PIEZO2: variants seen among roughly 807,000 people sequenced by gnomAD.
The protein encoded by PIEZO2 is piezo-type mechanosensitive ion channel component 2.
PIEZO2 carries 172 observed loss-of-function variants against 337.3 expected under a neutral mutation model. The ratio of observed to expected loss-of-function variants is 0.51; its 90% CI spans 0.45 to 0.58. The LOEUF (loss-of-function observed/expected upper bound fraction) is 0.58, where lower values mean the gene tolerates loss of function less well. PIEZO2 is among the 20% of genes least tolerant of loss of function. The pLI, the probability that PIEZO2 is intolerant of heterozygous loss-of-function variation, is 0.00. For missense variants in PIEZO2, 3,028 were observed against 3,391.3 expected (o/e 0.89, Z 2.66); for synonymous variants, 1,251 against 1,228.5 (o/e 1.02, Z -0.38).
At position 10,682,455 on chromosome 18, in the gene PIEZO2, A is replaced by G. The variant is rs949452464; in HGVS notation, c.7498-163T>C. On this transcript the variant is annotated intron_variant, in intron 49 of 55. Transcript: ENST00000674853. The surrounding 1 kb of genome is among the most constrained non-coding windows in gnomAD (Gnocchi z 5.6). ...GAAATGGGGATAGCAACCTTGTCCC[A>G]ATCTCGAAATGAAGTTAGGTAGTGA... Among the ~76,000 whole-genome samples the G allele has an allele frequency of 2.6e-5, 4 of 152,154 alleles. No homozygotes were observed. In the South Asian group the frequency reaches 8.3e-4, roughly 32 times the overall value.
chr18:11,126,019 G>A lies in PIEZO2; in HGVS notation c.64+22506C>T, dbSNP rs2040171730. On this transcript the variant is annotated intron_variant, in intron 1 of 55. Transcript: ENST00000674853. The surrounding 1 kb of genome is among the most constrained non-coding windows in gnomAD (Gnocchi z 4.6). The stretch of plus-strand genomic sequence containing the variant: ...AGAGTGTTGTCAAAGCATGCATAAT[G>A]ACTCCATTTATTTTCCAAAATACGT... 6.6e-6 allele frequency among the ~76,000 whole-genome samples: 1 copy of A among 152,162 alleles called. No individual in the cohort carries two copies. The highest frequency in any genetic ancestry group is 2.4e-5 in the African/African-American group (1 of 41,418).
At chr18:10,827,685 T>C (rs559984113) in intron 7 of PIEZO2, among the ~76,000 whole-genome samples, 28 of 152,306 alleles carry the variant, frequency 1.8e-4, no homozygotes, top group South Asian at 6.2e-4. Context: ...GCATGAACCA[T>C]TGGCATCGTC....
At chr18:10,689,606 G>A (rs1390844037) in intron 49 of PIEZO2, 49 bp downstream of exon 49, 19 of 1,612,416 alleles carry the variant, frequency 1.2e-5, no homozygotes, top group East Asian at 2.2e-5. Context: ...TAACCAGCCT[G>A]TATCTAAGAG....
In PIEZO2 at chr18:11,116,211, T is replaced by C. The variant is rs1225518632; in HGVS notation, c.64+32314A>G. Among the ~76,000 whole-genome samples the C allele has an allele frequency of 6.6e-6, 1 of 152,238 alleles. No individual in the cohort carries two copies. Among genetic ancestry groups the C allele is most frequent in the Non-Finnish European group, 1.5e-5 (1 of 68,040 alleles). ...TGGCCAGTGCTCAGATTATGCCCACTGCCTTCAATATCCAGCTTTACAAAT... is the reference window on the plus strand; with the variant it reads ...TGGCCAGTGCTCAGATTATGCCCACCGCCTTCAATATCCAGCTTTACAAAT... On this transcript the variant is annotated intron_variant, in intron 1 of 55. Transcript: ENST00000674853. The surrounding 1 kb of genome is among the most constrained non-coding windows in gnomAD (Gnocchi z 5.0).
chr18:11,087,997 C>T (rs1337946532), intron 1 of PIEZO2, among the ~76,000 whole-genome samples: 1 of 152,256 alleles, frequency 6.6e-6, no homozygotes, highest in East Asian at 1.9e-4. Flanking sequence ...ATGCCACTCA[C>T]ATATATCCTT....
intron 1 of PIEZO2, among the ~76,000 whole-genome samples, chr18:11,087,253 C>T (rs1442697122): frequency 1.3e-5 from 2 of 152,146 alleles, no homozygotes; most frequent in Admixed American, 6.5e-5. Flanking sequence ...TGTTTATAAG[C>T]TGCTCAGTCT....
intron 23 of PIEZO2, among the ~76,000 whole-genome samples, 192 bp downstream of exon 23, chr18:10,762,308 G>A (rs898395889): frequency 3.9e-5 from 6 of 152,172 alleles, no homozygotes; most frequent in Middle Eastern, 3.2e-3. Flanking sequence ...ATCTCAGACC[G>A]TTTGATCATT....
chr18:11,145,040 G>T (rs562376304), intron 1 of PIEZO2, among the ~76,000 whole-genome samples: 9 of 152,270 alleles, frequency 5.9e-5, no homozygotes, highest in African/African-American at 2.2e-4. Flanking sequence ...CGTAAAATAT[G>T]TGTAAAATGT....
intron 27 of PIEZO2, among the ~76,000 whole-genome samples, chr18:10,755,224 T>A (rs1429334735): frequency 6.6e-6 from 1 of 152,066 alleles, no homozygotes; most frequent in Non-Finnish European, 1.5e-5. Context: ...GATCGGAAGC[T>A]GGAGAGAGAC....
chr18:10,986,881 AT>A (rs2034896398), intron 2 of PIEZO2, among the ~76,000 whole-genome samples: 1 of 152,074 alleles, frequency 6.6e-6, no homozygotes, highest in African/African-American at 2.4e-5. Flanking sequence ...AATTAACGAA[AT>A]CAATGTATAA....
chr18:10,995,182 G>A (rs911017888), intron 2 of PIEZO2, among the ~76,000 whole-genome samples: 12 of 151,746 alleles, frequency 7.9e-5, no homozygotes, highest in African/African-American at 2.7e-4. Context: ...CAGGAGTAAG[G>A]TGGTATCAAA....
intron 7 of PIEZO2, among the ~76,000 whole-genome samples, chr18:10,812,918 A>G (rs989677606): frequency 2.0e-5 from 3 of 152,218 alleles, no homozygotes; most frequent in Admixed American, 6.5e-5. Flanking sequence ...TACTGAAAAT[A>G]GCAGCACACT....
chr18:11,115,565 T>C (rs1315231505), intron 1 of PIEZO2, among the ~76,000 whole-genome samples: 1 of 152,196 alleles, frequency 6.6e-6, no homozygotes, highest in Non-Finnish European at 1.5e-5. Context: ...ACAAATATTA[T>C]GATATAATAC....
At chr18:11,026,905 T>C (rs900008378) in intron 2 of PIEZO2, among the ~76,000 whole-genome samples, 2 of 152,226 alleles carry the variant, frequency 1.3e-5, no homozygotes, top group Admixed American at 1.3e-4. Context: ...AGTGTGGGAC[T>C]GAACCACACA....
In PIEZO2 at chr18:10,676,708, A is replaced by G. The variant is rs2034019071; in HGVS notation, c.8081+1039T>C. ...TCAATACTTTTTGGGCCAGGTGGAC[A>G]GAGAGTGGGAGGAGAATGTGCTTGA... On this transcript the variant is annotated intron_variant, in intron 53 of 55. Transcript: ENST00000674853. The surrounding 1 kb of genome is among the most constrained non-coding windows in gnomAD (Gnocchi z 5.1). Among the ~76,000 whole-genome samples the G allele has an allele frequency of 6.6e-6, 1 of 152,200 alleles. No homozygotes were observed. The highest frequency in any genetic ancestry group is 2.4e-5 in the African/African-American group (1 of 41,454).
intron 3 of PIEZO2, among the ~76,000 whole-genome samples, chr18:10,913,592 T>G (rs537287093): frequency 9.8e-5 from 15 of 152,300 alleles, no homozygotes; most frequent in African/African-American, 2.6e-4. Context: ...TCAGGTAAAT[T>G]TTTTAATTTA....
At position 11,148,333 on chromosome 18, in the gene PIEZO2, T is replaced by C. The variant is rs1469495988; in HGVS notation, c.64+192A>G. ...CCGTCCCGAGCATCCTGTTAAGAGA[T>C]ACCCCGATCGCGCGCCCCAGAGTGG... On this transcript the variant is annotated intron_variant, in intron 1 of 55. Coordinates refer to ENST00000674853, the MANE Select transcript of PIEZO2 (RefSeq NM_001378183.1). The surrounding 1 kb of genome is among the most constrained non-coding windows in gnomAD (Gnocchi z 5.2). 6.6e-6 allele frequency among the ~76,000 whole-genome samples: 1 copy of C among 152,026 alleles called. No homozygotes were observed. Among genetic ancestry groups the C allele is most frequent in the Non-Finnish European group, 1.5e-5 (1 of 68,012 alleles).
rs1047315543 is a variant in PIEZO2 at position 10,773,469 on chromosome 18, C to A, written c.2728G>T (p.Glu910Ter). ...QKGDLGKDSE[E>*]SEEDGEEEEE... ...TCTTCCTCTCCGTCCTCCTCTGACT[C>A]CTCGCTGTCTTTCCCAAGATCACCC... The change falls in exon 20 of 56, where the codon GAG becomes TAG. Residue 910 changes from glutamate to a stop codon, truncating the protein, a stop_gained. Coordinates refer to ENST00000674853, the MANE Select transcript of PIEZO2 (RefSeq NM_001378183.1). LOFTEE classifies it high-confidence loss of function. The surrounding 1 kb of genome is among the most constrained non-coding windows in gnomAD (Gnocchi z 5.3). 1 of 1,537,468 alleles carries A rather than the reference C, an allele frequency of 6.5e-7. No individual in the cohort carries two copies. Among genetic ancestry groups the A allele is most frequent in the Non-Finnish European group, 8.7e-7 (1 of 1,146,980 alleles).
intron 4 of PIEZO2, among the ~76,000 whole-genome samples, chr18:10,884,093 A>G (rs539601081): frequency 5.9e-5 from 9 of 152,146 alleles, no homozygotes; most frequent in Admixed American, 3.3e-4. Context: ...TTACAGGCGT[A>G]AGCCACCGCA....
Sources: gnomAD v4.1 joint callset for allele counts (sites outside exome capture counted in the v4.1 genomes callset) on GRCh38, gnomAD v4.1.1 for gene constraint, Gnocchi (gnomAD v3.1) non-coding constraint, MANE v1.5 for transcripts, NCBI Gene and HGNC (gene_info 2026-07-23, HGNC 2026-07-21) for gene names.